The following MAPKAPK5 variants were observed in gnomAD, a reference collection of about 807,000 sequenced individuals.
The protein encoded by MAPKAPK5 is MAP kinase-activated protein kinase 5.
A neutral mutation model predicts 65.1 loss-of-function variants in MAPKAPK5; 30 were observed. That is an observed-to-expected ratio of 0.46 (90% confidence interval 0.34 to 0.63). The LOEUF (loss-of-function observed/expected upper bound fraction) is 0.63. MAPKAPK5 is among the 20% of genes least tolerant of loss of function. The pLI, the probability that MAPKAPK5 is intolerant of heterozygous loss-of-function variation, is 0.01. For missense variants in MAPKAPK5, 433 were observed against 581.4 expected (o/e 0.74, Z 2.63); for synonymous variants, 179 against 204.6 (o/e 0.87, Z 1.07).
At position 111,842,660 on chromosome 12, in the gene MAPKAPK5, T is replaced by C. The variant is rs1016208852; in HGVS notation, c.-74T>C. 5.6e-5 allele frequency: 66 copies of C among 1,184,462 alleles called. No individual in the cohort carries two copies. Among genetic ancestry groups the C allele is most frequent in the Middle Eastern group, 2.9e-4 (1 of 3,496 alleles). The allele number at this position is 1,184,462 out of a possible 1,614,324, so 73.4% of individuals were successfully genotyped here. ...CCAGGGGCCCGAGTGCCGAGCCCTT[T>C]GCTCCCTCGGCCGCGCGGGGACAGG... On this transcript the variant is annotated 5_prime_UTR_variant, in exon 1 of 14. Transcript: ENST00000550735.
At chr12:111,845,178 G>A (rs1365369511) in intron 1 of MAPKAPK5, among the ~76,000 whole-genome samples, 1 of 152,086 alleles carries the variant, frequency 6.6e-6, no homozygotes, top group Non-Finnish European at 1.5e-5. Flanking sequence ...AGGCTGGAGT[G>A]CAGTGGTGTG....
Position 111,883,645 on chromosome 12 carries a change from A to G in MAPKAPK5, c.725A>G (p.Tyr242Cys). 1 of 1,613,670 alleles carries G rather than the reference A, an allele frequency of 6.2e-7. No homozygotes were observed. The highest frequency in any genetic ancestry group is 8.5e-7 in the Non-Finnish European group (1 of 1,179,822). Reference sequence around the variant, plus strand: ...ATGCTGTGCGGATACCCTCCTTTTTACTCCAAACACCACAGCCGGACTATC... The same window carrying G: ...ATGCTGTGCGGATACCCTCCTTTTTGCTCCAAACACCACAGCCGGACTATC... The part of the protein sequence containing the change: ...YVMLCGYPPF[Y>C]SKHHSRTIPK... Residue 242 changes from tyrosine to cysteine, a missense_variant, in exon 9 of 14, where the codon TAC becomes TGC. Physicochemically the swap from Tyr to Cys is radical, Grantham distance 194 (BLOSUM62 -2). This residue lies in a region of MAPKAPK5 where 99 missense variants were observed against 185.8 expected (regional missense o/e 0.53). Transcript: ENST00000550735. This position sits in a 1 kb window ranked among gnomAD's most constrained non-coding sequence, Gnocchi z 4.8.
chr12:111,900,875 T>TAATC lies in MAPKAPK5; in HGVS notation c.*7816_*7819dup, dbSNP rs1223215625. On this transcript the variant is annotated 3_prime_UTR_variant, in exon 14 of 14. Coordinates refer to ENST00000550735, the MANE Select transcript of MAPKAPK5 (RefSeq NM_003668.4). ...TTAAAGTTCATTGTATGGACCCTAATAATCAGTGCTTACAATTATATGGAT... is the reference window on the plus strand; with the variant it reads ...TTAAAGTTCATTGTATGGACCCTAATAATCAATCAGTGCTTACAATTATATGGAT... 2.2e-6 allele frequency: 1 copy of TAATC among 456,068 alleles called. No homozygotes were observed. Among genetic ancestry groups the TAATC allele is most frequent in the East Asian group, 6.9e-5 (1 of 14,394 alleles). 28.3% of individuals were successfully genotyped at this position (456,068 alleles called of 1,614,324 possible).
chr12:111,893,128 A>T lies in MAPKAPK5; in HGVS notation c.*67A>T, dbSNP rs2070683483. ...ATTCTTTAATGTATAAAGTAATTTT[A>T]TGTAAATTAATAAATCATAATTTCA... is the stretch of plus-strand genomic sequence containing the variant. On this transcript the variant is annotated 3_prime_UTR_variant, in exon 14 of 14. Coordinates refer to ENST00000550735, the MANE Select transcript of MAPKAPK5 (RefSeq NM_003668.4). 6 of 1,114,722 alleles carry T rather than the reference A, an allele frequency of 5.4e-6. No individual in the cohort carries two copies. Among genetic ancestry groups the T allele is most frequent in the Non-Finnish European group, 6.4e-6 (5 of 784,016 alleles). 69.1% of individuals were successfully genotyped at this position (1,114,722 alleles called of 1,614,324 possible).
At chr12:111,854,666 G>A (rs7310605) in intron 1 of MAPKAPK5, among the ~76,000 whole-genome samples, 29,738 of 152,232 alleles carry the variant, frequency 0.2, 3,116 homozygotes, top group Middle Eastern at 0.27. Flanking sequence ...GTGGTTCTCA[G>A]TGGAATGGGC....
At chr12:111,870,852 A>G (rs1593156687) in intron 6 of MAPKAPK5, among the ~76,000 whole-genome samples, 1 of 152,268 alleles carries the variant, frequency 6.6e-6, no homozygotes, top group East Asian at 1.9e-4. Context: ...TACAAGTTCT[A>G]AAGCAAAAAT....
At chr12:111,847,682 G>T (rs890287234) in intron 1 of MAPKAPK5, among the ~76,000 whole-genome samples, 3 of 152,100 alleles carry the variant, frequency 2.0e-5, no homozygotes, top group African/African-American at 7.2e-5. Context: ...TAAATGTTCA[G>T]TAATTTTTAG....
rs369432636 is a variant in MAPKAPK5 at position 111,896,565 on chromosome 12, A to G, written c.*3504A>G. On this transcript the variant is annotated 3_prime_UTR_variant, in exon 14 of 14. Coordinates refer to ENST00000550735, the MANE Select transcript of MAPKAPK5 (RefSeq NM_003668.4). ...TTTGCACATAACTGGAAGTGAAACG[A>G]TATCTTTCTCATATTTTTTGGCCTA... 8 of 152,328 alleles carry G rather than the reference A, an allele frequency of 5.3e-5. No individual in the cohort carries two copies. Among genetic ancestry groups the G allele is most frequent in the African/African-American group, 1.7e-4 (7 of 41,560 alleles). The allele number at this position is 152,328 out of a possible 1,614,324, so 9.4% of individuals were successfully genotyped here. A position where few individuals can be genotyped will look rare whatever the true frequency, so the allele number is the denominator to read the frequency against.
At position 111,900,567 on chromosome 12, in the gene MAPKAPK5, T is replaced by C; in HGVS notation, c.*7506T>C. The C allele has an allele frequency of 2.2e-6, 1 of 456,148 alleles. No homozygotes were observed. The highest frequency in any genetic ancestry group is 1.5e-5 in the South Asian group (1 of 64,566). 28.3% of individuals were successfully genotyped at this position (456,148 alleles called of 1,614,324 possible). A position where few individuals can be genotyped will look rare whatever the true frequency, so the allele number is the denominator to read the frequency against. Reference sequence around the variant, plus strand: ...GCCCAGGGGCCGCAAGCGTAGGGATTCTGCCTGTGGAAATGGTGTGGTGGA... The same window carrying C: ...GCCCAGGGGCCGCAAGCGTAGGGATCCTGCCTGTGGAAATGGTGTGGTGGA... On this transcript the variant is annotated 3_prime_UTR_variant, in exon 14 of 14. Coordinates refer to ENST00000550735, the MANE Select transcript of MAPKAPK5 (RefSeq NM_003668.4).
Position 111,867,668 on chromosome 12 carries a change from A to C in MAPKAPK5, c.283A>C (p.Arg95=), listed in dbSNP as rs2069657430. ...SVQFPHESSP[R]ARLLIVMEMM... is the part of the protein sequence containing the mutation. ...CCAGTTTCCCCATGAGTCCAGCCCTAGGTAAGACTACACAGTGTCATCATC... is the reference window on the plus strand; with the variant it reads ...CCAGTTTCCCCATGAGTCCAGCCCTCGGTAAGACTACACAGTGTCATCATC... Residue 95 remains arginine, a splice_region_variant and synonymous_variant, in exon 4 of 14, where the codon AGG becomes CGG. Transcript: ENST00000550735. The C allele has an allele frequency of 1.2e-6, 2 of 1,610,226 alleles. No individual in the cohort carries two copies. Among genetic ancestry groups the C allele is most frequent in the African/African-American group, 2.7e-5 (2 of 74,812 alleles).
At chr12:111,868,940 AAACTT>A in intron 5 of MAPKAPK5, 79 bp downstream of exon 5, 1 of 1,073,756 alleles carries the variant, frequency 9.3e-7, no homozygotes, top group Non-Finnish European at 1.4e-6. Context: ...GAAGAAAAGA[AAACTT>A]AAAGAAAAGC....
chr12:111,850,183 C>A (rs1426116608), intron 1 of MAPKAPK5, among the ~76,000 whole-genome samples: 7 of 152,076 alleles, frequency 4.6e-5, no homozygotes, highest in Admixed American at 2.6e-4. Context: ...TGGGTGCCAC[C>A]ATGCCCGCCT....
intron 5 of MAPKAPK5, among the ~76,000 whole-genome samples, chr12:111,869,162 G>A (rs2069701214): frequency 6.6e-6 from 1 of 152,144 alleles, no homozygotes; most frequent in Non-Finnish European, 1.5e-5. Context: ...CTTTAGGCAT[G>A]TAGCTACCAA....
Position 111,901,215 on chromosome 12 carries a change from T to A in MAPKAPK5, c.*8154T>A, listed in dbSNP as rs1016538617. 2.0e-5 allele frequency: 9 copies of A among 455,896 alleles called. 1 individual carries two copies. The highest frequency in any genetic ancestry group is 6.0e-5 in the African/African-American group (3 of 50,052). The allele number at this position is 455,896 out of a possible 1,614,324, so 28.2% of individuals were successfully genotyped here. A position where few individuals can be genotyped will look rare whatever the true frequency, so the allele number is the denominator to read the frequency against. ...TGCACCAAACAAAGTCTGCCTGAATTCCGCCTGCACAGATAAAACCCCAGT... is the reference window on the plus strand; with the variant it reads ...TGCACCAAACAAAGTCTGCCTGAATACCGCCTGCACAGATAAAACCCCAGT... On this transcript the variant is annotated 3_prime_UTR_variant, in exon 14 of 14. Transcript: ENST00000550735.
intron 13 of MAPKAPK5, among the ~76,000 whole-genome samples, chr12:111,891,527 G>A (rs999414515): frequency 2.7e-4 from 40 of 150,094 alleles, no homozygotes; most frequent in African/African-American, 9.1e-4. Context: ...GGCACGATGG[G>A]TCACGCATGT....
intron 5 of MAPKAPK5, among the ~76,000 whole-genome samples, chr12:111,869,434 C>T (rs2069710919): frequency 6.6e-6 from 1 of 152,206 alleles, no homozygotes; most frequent in East Asian, 1.9e-4. Flanking sequence ...CTGATAATCA[C>T]TTCTTGCAGA....
chr12:111,899,557 C>A lies in MAPKAPK5; in HGVS notation c.*6496C>A. On this transcript the variant is annotated 3_prime_UTR_variant, in exon 14 of 14. Transcript: ENST00000550735. The stretch of plus-strand genomic sequence containing the variant: ...GGAGATAGCCCAGTGGAAGGACTGT[C>A]CTACTTGTTACTTATGCAAGGCCAG... The A allele has an allele frequency of 4.3e-6, 1 of 231,704 alleles. No individual in the cohort carries two copies. Among genetic ancestry groups the A allele is most frequent in the Non-Finnish European group, 8.7e-6 (1 of 114,288 alleles). The allele number at this position is 231,704 out of a possible 1,614,324, so 14.4% of individuals were successfully genotyped here.
chr12:111,886,920 A>G (rs570622021), intron 10 of MAPKAPK5, among the ~76,000 whole-genome samples: 5 of 152,210 alleles, frequency 3.3e-5, no homozygotes, highest in Non-Finnish European at 4.4e-5. Flanking sequence ...CAGGCTAAAT[A>G]TTTTTGAAGA....
intron 8 of MAPKAPK5, among the ~76,000 whole-genome samples, chr12:111,881,273 C>T (rs1214401403): frequency 6.6e-6 from 1 of 152,084 alleles, no homozygotes; most frequent in African/African-American, 2.4e-5. Flanking sequence ...GGGGTTTCTC[C>T]ATGTTGGCCA....
Sources: allele counts gnomAD v4.1 joint callset (sites outside exome capture counted in the v4.1 genomes callset), GRCh38; gene constraint gnomAD v4.1.1; regional missense constraint gnomAD v4.1.1; non-coding constraint Gnocchi (gnomAD v3.1); transcripts MANE v1.5; gene names NCBI Gene and HGNC (gene_info 2026-07-23, HGNC 2026-07-21).